Variants in ZPBP observed in about 807,000 individuals in gnomAD.
The protein encoded by ZPBP is zona pellucida-binding protein 1.
A neutral mutation model predicts 44.8 loss-of-function variants in ZPBP; 26 were observed. That is an observed-to-expected ratio of 0.58 (90% CI 0.43 to 0.81). The LOEUF is 0.81. Among genes scored for constraint, ZPBP ranks in the 30% least tolerant of loss-of-function variants. The pLI, the probability that ZPBP is intolerant of heterozygous loss-of-function variation, is 0.00. For missense variants in ZPBP, 409 were observed against 434.0 expected (o/e 0.94, Z 0.51); for synonymous variants, 174 against 153.2 (o/e 1.14, Z -1.00).
At chr7:49,858,053 A>G (rs138913587) in intron 2 of ZPBP, among the ~76,000 whole-genome samples, 15 of 152,256 alleles carry the variant, frequency 9.9e-5, no homozygotes, top group African/African-American at 3.6e-4. Flanking sequence ...CTAGTTCTAG[A>G]TCCCTGAGGA....
chr7:50,068,029 G>C (rs147921701), intron 3 of ZPBP, among the ~76,000 whole-genome samples: 1 of 152,156 alleles, frequency 6.6e-6, no homozygotes, highest in Non-Finnish European at 1.5e-5. Flanking sequence ...TAGTTAGTTA[G>C]ATCTGGTAGT....
chr7:49,969,137 A>C (rs1053213723), intron 7 of ZPBP, among the ~76,000 whole-genome samples: 3 of 149,936 alleles, frequency 2.0e-5, no homozygotes, highest in Admixed American at 6.7e-5. Context: ...ATCTATATTT[A>C]TATATTTAGT....
intron 1 of ZPBP, among the ~76,000 whole-genome samples, chr7:49,923,198 G>T (rs1264373438): frequency 6.6e-6 from 1 of 152,148 alleles, no homozygotes; most frequent in African/African-American, 2.4e-5. Context: ...GAAGAAAATG[G>T]CTGATGGCCT....
At chr7:49,863,275 A>T (rs1185670246) in intron 2 of ZPBP, among the ~76,000 whole-genome samples, 1 of 152,120 alleles carries the variant, frequency 6.6e-6, no homozygotes, top group East Asian at 1.9e-4. Flanking sequence ...AATCCTTTAC[A>T]ATCCTTTCTA....
downstream of ZPBP, among the ~76,000 whole-genome samples, chr7:49,849,578 T>A (rs1790093715): frequency 6.6e-6 from 1 of 152,230 alleles, no homozygotes; most frequent in Non-Finnish European, 1.5e-5. Flanking sequence ...ACACGCTGCC[T>A]CTTTTTGTTT....
intron 1 of ZPBP, among the ~76,000 whole-genome samples, chr7:50,090,346 A>AATGTTGCATTAT (rs1802889069): frequency 6.6e-6 from 1 of 151,870 alleles, no homozygotes; most frequent in African/African-American, 2.4e-5. Flanking sequence ...GAGAACATAT[A>AATGTTGCATTAT]ATGTTTGGTT....
chr7:50,020,419 G>A (rs969377623), intron 5 of ZPBP, among the ~76,000 whole-genome samples: 20 of 152,024 alleles, frequency 1.3e-4, no homozygotes, highest in African/African-American at 4.8e-4. Flanking sequence ...ACAAAAGATT[G>A]CTAAAGTAAC....
intron 2 of ZPBP, among the ~76,000 whole-genome samples, chr7:49,884,191 C>T (rs1791799675): frequency 6.6e-6 from 1 of 152,166 alleles, no homozygotes; most frequent in African/African-American, 2.4e-5. Context: ...GAAGAAGGGT[C>T]CAGGCTGCTG....
At chr7:49,953,787 C>T (rs1009130763) in intron 7 of ZPBP, among the ~76,000 whole-genome samples, 7 of 152,000 alleles carry the variant, frequency 4.6e-5, no homozygotes, top group African/African-American at 1.7e-4. Flanking sequence ...ACACTGAAAG[C>T]TACAAAATAT....
At chr7:49,944,045 G>T in intron 7 of ZPBP, 1 of 253,496 alleles carries the variant, frequency 3.9e-6, no homozygotes, top group South Asian at 4.7e-5. Context: ...TCAGGAACGT[G>T]CACCTTTGAG....
At chr7:50,062,377 A>C (rs1348347396) in intron 3 of ZPBP, among the ~76,000 whole-genome samples, 1 of 152,208 alleles carries the variant, frequency 6.6e-6, no homozygotes, top group African/African-American at 2.4e-5. Flanking sequence ...AGTAATCCTA[A>C]GTAAAAAGAG....
At chr7:49,853,124 G>A (rs1790262498) in intron 2 of ZPBP, among the ~76,000 whole-genome samples, 1 of 152,244 alleles carries the variant, frequency 6.6e-6, no homozygotes, top group African/African-American at 2.4e-5. Context: ...CTATGGGGCA[G>A]GGCTGCGGGC....
chr7:50,037,295 C>T (rs1487598093), intron 4 of ZPBP, among the ~76,000 whole-genome samples: 1 of 152,096 alleles, frequency 6.6e-6, no homozygotes, highest in South Asian at 2.1e-4. Flanking sequence ...GTCCTAAGGG[C>T]ATAGAAAAAA....
At chr7:49,984,354 T>C (rs1365798780) in intron 6 of ZPBP, among the ~76,000 whole-genome samples, 3 of 152,328 alleles carry the variant, frequency 2.0e-5, no homozygotes, top group Admixed American at 6.5e-5. Context: ...GATAAAATAA[T>C]AACTCTGTCT....
chr7:50,036,368 A>C (rs552216135), intron 4 of ZPBP, among the ~76,000 whole-genome samples: 100 of 152,148 alleles, frequency 6.6e-4, no homozygotes, highest in African/African-American at 2.3e-3. Context: ...GCCAGGCTGG[A>C]CTTGAACTCC....
At chr7:49,947,541 C>T (rs1378354499) in intron 7 of ZPBP, among the ~76,000 whole-genome samples, 1 of 152,178 alleles carries the variant, frequency 6.6e-6, no homozygotes, top group African/African-American at 2.4e-5. Flanking sequence ...GTTCTCTTCT[C>T]TTATTTTCCT....
At chr7:49,848,722 G>A (rs935187586), downstream of ZPBP, among the ~76,000 whole-genome samples, 3 of 152,130 alleles carry the variant, frequency 2.0e-5, no homozygotes, top group African/African-American at 4.8e-5. Context: ...TTTGTGTTTT[G>A]TATGAATCAT....
chr7:49,880,267 T>C (rs1438143627), intron 2 of ZPBP, among the ~76,000 whole-genome samples: 1 of 152,184 alleles, frequency 6.6e-6, no homozygotes, highest in Non-Finnish European at 1.5e-5. Context: ...TTTCCATATA[T>C]AGAACCACAC....
intron 3 of ZPBP, among the ~76,000 whole-genome samples, chr7:50,061,999 T>C (rs1316879782): frequency 1.3e-5 from 2 of 152,104 alleles, no homozygotes; most frequent in Non-Finnish European, 2.9e-5. Context: ...AATCAATGTA[T>C]AAAAATCAGT....
Sources: gnomAD v4.1 joint callset for allele counts (sites outside exome capture counted in the v4.1 genomes callset) on GRCh38, gnomAD v4.1.1 for gene constraint, MANE v1.5 for transcripts, NCBI Gene and HGNC (gene_info 2026-07-23, HGNC 2026-07-21) for gene names.